RBM20: variants seen among roughly 807,000 people sequenced by gnomAD.
The protein encoded by RBM20 is RNA-binding protein 20.
Under a neutral mutation model 110.1 loss-of-function variants are expected in RBM20, and 51 were observed. The ratio of observed to expected loss-of-function variants is 0.46; its 90% CI spans 0.37 to 0.59. RBM20 has a LOEUF of 0.59. Among genes scored for constraint, RBM20 ranks in the 20% least tolerant of loss-of-function variants. RBM20 has a pLI of 0.00. For synonymous variants in RBM20, 589 were observed against 618.2 expected (o/e 0.95, Z 0.70); for missense variants, 1,512 against 1,574.9 (o/e 0.96, Z 0.68).
intron 1 of RBM20, among the ~76,000 whole-genome samples, chr10:110,689,427 A>G (rs755882035): frequency 1.1e-4 from 17 of 152,328 alleles, no homozygotes; most frequent in Non-Finnish European, 1.8e-4. Flanking sequence ...CAATCAGACT[A>G]AGGACTCAGA....
At chr10:110,747,199 C>A (rs1315404530) in intron 1 of RBM20, among the ~76,000 whole-genome samples, 1 of 151,946 alleles carries the variant, frequency 6.6e-6, no homozygotes, top group Non-Finnish European at 1.5e-5. Context: ...TAAAAAAATA[C>A]CCTCACTAAA....
At chr10:110,684,423 A>AG (rs1862469840) in intron 1 of RBM20, among the ~76,000 whole-genome samples, 4 of 146,004 alleles carry the variant, frequency 2.7e-5, no homozygotes, top group African/African-American at 9.9e-5. Flanking sequence ...ACAAAACAAA[A>AG]CAAAAGAAAA....
At chr10:110,744,211 G>A (rs1483468773) in intron 1 of RBM20, among the ~76,000 whole-genome samples, 4 of 152,150 alleles carry the variant, frequency 2.6e-5, no homozygotes. Context: ...ACGAAATAGC[G>A]CCTGTCAATC....
chr10:110,821,243 C>A lies in RBM20; in HGVS notation c.2656-32C>A, dbSNP rs1326049642. 4.6e-6 allele frequency: 7 copies of A among 1,537,086 alleles called. No individual in the cohort carries two copies. The Admixed American group carries it at 1.4e-4, about 30-fold the overall frequency. On this transcript the variant is annotated intron_variant, in intron 10 of 13. Coordinates refer to ENST00000369519, the MANE Select transcript of RBM20 (RefSeq NM_001134363.3). The stretch of plus-strand genomic sequence containing the variant: ...CCTTCCAGTTGAATGCTCTCAACCA[C>A]CCTCTGACCTCCATTCTGCATTTTT...
intron 11 of RBM20, 145 bp from the exon 12 acceptor site, chr10:110,823,335 G>T (rs1306586669): frequency 4.0e-5 from 42 of 1,055,522 alleles, no homozygotes; most frequent in Non-Finnish European, 5.4e-5. Context: ...AGCAACCATT[G>T]CCCCAGCCTT....
At chr10:110,805,692 T>C (rs1231413123) in intron 7 of RBM20, among the ~76,000 whole-genome samples, 1 of 152,206 alleles carries the variant, frequency 6.6e-6, no homozygotes, top group Non-Finnish European at 1.5e-5. Context: ...CTGGGGCTGC[T>C]CTTCCTGGGT....
intron 1 of RBM20, among the ~76,000 whole-genome samples, chr10:110,727,064 T>G (rs1843568292): frequency 6.6e-6 from 1 of 151,224 alleles, no homozygotes; most frequent in Non-Finnish European, 1.5e-5. Flanking sequence ...GCCAGGCTGG[T>G]CTCAAACTCC....
chr10:110,801,245 G>A (rs1844618881), intron 7 of RBM20, among the ~76,000 whole-genome samples: 1 of 152,046 alleles, frequency 6.6e-6, no homozygotes, highest in East Asian at 1.9e-4. Flanking sequence ...TGGCCAACAT[G>A]GTGAAACCCC....
At chr10:110,755,977 G>A (rs1885791) in intron 1 of RBM20, among the ~76,000 whole-genome samples, 118,934 of 152,196 alleles carry the variant, frequency 0.78, 46,840 homozygotes, top group Non-Finnish European at 0.83. Context: ...TGGAGACAGC[G>A]TTAGTCAGCA....
chr10:110,819,626 G>A (rs1055926970), intron 9 of RBM20, among the ~76,000 whole-genome samples: 4 of 152,214 alleles, frequency 2.6e-5, no homozygotes, highest in Non-Finnish European at 5.9e-5. Flanking sequence ...CTCTGACTGT[G>A]CCCTTTCTAC....
intron 1 of RBM20, among the ~76,000 whole-genome samples, chr10:110,705,747 G>A (rs1862827842): frequency 6.6e-6 from 1 of 152,206 alleles, no homozygotes; most frequent in African/African-American, 2.4e-5. Context: ...CAAAACAATT[G>A]TTTTTGTGAA....
chr10:110,780,488 C>T (rs541259314), intron 1 of RBM20, among the ~76,000 whole-genome samples: 12 of 152,302 alleles, frequency 7.9e-5, no homozygotes, highest in Admixed American at 2.0e-4. Flanking sequence ...CTATTCTACT[C>T]TCTCTCCAAC....
At chr10:110,692,880 T>C (rs1319813108) in intron 1 of RBM20, among the ~76,000 whole-genome samples, 1 of 131,470 alleles carries the variant, frequency 7.6e-6, no homozygotes, top group Non-Finnish European at 1.7e-5. Flanking sequence ...CCATTGAGTA[T>C]GATGTTAGCT....
chr10:110,703,495 A>T (rs1284050940), intron 1 of RBM20, among the ~76,000 whole-genome samples: 1 of 152,238 alleles, frequency 6.6e-6, no homozygotes, highest in Non-Finnish European at 1.5e-5. Flanking sequence ...TCCCCCAGTG[A>T]TAACAGTTTG....
intron 1 of RBM20, among the ~76,000 whole-genome samples, chr10:110,696,030 G>A (rs1431176710): frequency 1.6e-4 from 25 of 152,206 alleles, no homozygotes; most frequent in Non-Finnish European, 5.9e-5. Context: ...ACTTAGGAAT[G>A]CAAATTCTCA....
intron 1 of RBM20, among the ~76,000 whole-genome samples, chr10:110,687,829 G>A (rs139376696): frequency 6.6e-6 from 1 of 152,196 alleles, no homozygotes; most frequent in East Asian, 1.9e-4. Flanking sequence ...TAAAAATGTT[G>A]CATCAACATT....
chr10:110,736,640 G>A (rs1004273468), intron 1 of RBM20, among the ~76,000 whole-genome samples: 2 of 137,712 alleles, frequency 1.5e-5, no homozygotes, highest in Non-Finnish European at 3.1e-5. Context: ...TGGAGCAGTG[G>A]AGGCTGTGCT....
Position 110,821,458 on chromosome 10 carries a change from C to G in RBM20, c.2839C>G (p.Leu947Val). The G allele has an allele frequency of 6.4e-7, 1 of 1,551,820 alleles. No individual in the cohort carries two copies. The highest frequency in any genetic ancestry group is 8.7e-7 in the Non-Finnish European group (1 of 1,147,026). ...QKDKICPETC[L>V]CVTTTLDLDL... ...AGACAAAATTTGCCCAGAAACATGT[C>G]TGTGTGTGACAACCACCTTAGACTT... The change falls in exon 11 of 14, where the codon CTG becomes GTG. Residue 947 changes from leucine to valine, a missense_variant. Around this residue, in one of 3 missense-constraint regions of RBM20, gnomAD observed 358 missense variants for 384.2 expected, o/e 0.93. Coordinates refer to ENST00000369519, the MANE Select transcript of RBM20 (RefSeq NM_001134363.3).
chr10:110,822,425 T>C (rs955767546), intron 11 of RBM20: 6 of 457,500 alleles, frequency 1.3e-5, no homozygotes, highest in African/African-American at 1.2e-4. Context: ...CATTTTTTGC[T>C]AGGGTCTGAC....
Sources: allele counts gnomAD v4.1 joint callset (sites outside exome capture counted in the v4.1 genomes callset), GRCh38; gene constraint gnomAD v4.1.1; regional missense constraint gnomAD v4.1.1; transcripts MANE v1.5; gene names NCBI Gene and HGNC (gene_info 2026-07-23, HGNC 2026-07-21).